The following ERC1 variants were observed in gnomAD, a reference collection of about 807,000 sequenced individuals.
The protein encoded by ERC1 is RAB6 interacting protein 2.
A neutral mutation model predicts 132.0 loss-of-function variants in ERC1; 56 were observed. The observed-to-expected ratio is 0.42, with a 90% CI of 0.34 to 0.53. The LOEUF (loss-of-function observed/expected upper bound fraction) is 0.53. ERC1 is among the 20% of genes least tolerant of loss of function. ERC1 has a pLI of 0.03. For missense variants in ERC1, 1,202 were observed against 1,349.9 expected, an observed-to-expected ratio of 0.89 and a Z score of 1.72; for synonymous variants, 478 against 476.1, an observed-to-expected ratio of 1.00 and a Z score of -0.05.
At chr12:1,180,421 A>C (rs780126774) in intron 8 of ERC1, 119 bp from the exon 9 acceptor site, 1 of 811,128 alleles carries the variant, frequency 1.2e-6, no homozygotes, top group Non-Finnish European at 1.9e-6. Context: ...TGATTTCTAC[A>C]GAATGCACAC....
intron 1 of ERC1, among the ~76,000 whole-genome samples, chr12:1,006,281 A>G (rs1267242355): frequency 6.6e-6 from 1 of 152,016 alleles, no homozygotes; most frequent in Non-Finnish European, 1.5e-5. Context: ...TTTTTGAGAC[A>G]GATTTTTCTC....
chr12:1,075,283 G>A (rs1487287405), intron 2 of ERC1, among the ~76,000 whole-genome samples: 2 of 152,120 alleles, frequency 1.3e-5, no homozygotes, highest in East Asian at 3.8e-4. Context: ...ATAGCCTACT[G>A]TTGACCAGGG....
In ERC1 at chr12:1,142,245, A is replaced by G. The variant is rs185129222; in HGVS notation, c.1737+458A>G. Reference sequence around the variant, plus strand: ...AAAAAATGTGTGTGTGTCTATTTCAATACAAATCTTACTGTTCCTTAGTGC... The same window carrying G: ...AAAAAATGTGTGTGTGTCTATTTCAGTACAAATCTTACTGTTCCTTAGTGC... On this transcript the variant is annotated intron_variant, in intron 8 of 18. Transcript: ENST00000360905. Among the ~76,000 whole-genome samples the G allele has an allele frequency of 6.0e-4, 91 of 152,298 alleles. No homozygotes were observed. The South Asian group carries it at 8.5e-3, about 14-fold the overall frequency.
At chr12:1,303,879 G>A (rs991894460) in intron 15 of ERC1, among the ~76,000 whole-genome samples, 1 of 150,342 alleles carries the variant, frequency 6.7e-6, no homozygotes, top group Non-Finnish European at 1.5e-5. Flanking sequence ...GCTGGAACCC[G>A]GGGGCAGAGG....
At chr12:1,421,506 G>A (rs965523541) in intron 17 of ERC1, among the ~76,000 whole-genome samples, 2 of 152,062 alleles carry the variant, frequency 1.3e-5, no homozygotes, top group African/African-American at 4.8e-5. Context: ...CAGTTTCTAG[G>A]TGGGGGTCAC....
intron 15 of ERC1, among the ~76,000 whole-genome samples, chr12:1,329,648 A>G (rs190160284): frequency 6.6e-6 from 1 of 152,296 alleles, no homozygotes; most frequent in East Asian, 1.9e-4. Flanking sequence ...TCCTTTTGCT[A>G]TCTAATGTTG....
intron 14 of ERC1, among the ~76,000 whole-genome samples, chr12:1,280,558 A>G (rs2078610382): frequency 6.6e-6 from 1 of 152,202 alleles, no homozygotes; most frequent in African/African-American, 2.4e-5. Flanking sequence ...CTCTCCAAGT[A>G]TCTGTAATCT....
intron 17 of ERC1, among the ~76,000 whole-genome samples, chr12:1,436,283 C>T (rs555966258): frequency 6.6e-6 from 1 of 152,318 alleles, no homozygotes; most frequent in East Asian, 1.9e-4. Context: ...TACAGATAAA[C>T]TATCAAATCT....
At chr12:1,003,374 T>C (rs1172111593) in intron 1 of ERC1, among the ~76,000 whole-genome samples, 1 of 152,222 alleles carries the variant, frequency 6.6e-6, no homozygotes, top group East Asian at 1.9e-4. Context: ...ATCAATGTTA[T>C]TTTCCATTAC....
chr12:1,286,603 A>C (rs1335907947), intron 14 of ERC1, among the ~76,000 whole-genome samples: 1 of 152,164 alleles, frequency 6.6e-6, no homozygotes, highest in Non-Finnish European at 1.5e-5. Flanking sequence ...GCAGCATGGC[A>C]AGTGAAAGAA....
At chr12:1,255,621 CTTTTTTTTTTTT>C (rs757949030) in intron 13 of ERC1, among the ~76,000 whole-genome samples, 1,085 of 61,532 alleles carry the variant, frequency 0.018, 21 homozygotes, top group African/African-American at 0.061. Context: ...GCTTCCTGGC[CTTTTTTTTTTTT>C]TTTTTTTTTT....
At chr12:1,386,305 G>T (rs1449929014) in intron 16 of ERC1, among the ~76,000 whole-genome samples, 2 of 150,674 alleles carry the variant, frequency 1.3e-5, no homozygotes, top group African/African-American at 2.4e-5. Flanking sequence ...CCAAAGTGTT[G>T]GGATTACAGG....
In ERC1 at chr12:1,347,954, A is replaced by G. The variant is rs539324138; in HGVS notation, c.2781-23879A>G. Among the ~76,000 whole-genome samples, 6 of 152,226 alleles carry G rather than the reference A, an allele frequency of 3.9e-5. No individual in the cohort carries two copies. In the East Asian group the frequency reaches 5.8e-4, roughly 15 times the overall value. On this transcript the variant is annotated intron_variant, in intron 15 of 18. Coordinates refer to ENST00000360905, the MANE Select transcript of ERC1 (RefSeq NM_178040.4). Reference sequence around the variant, plus strand: ...GCAGAGATGGCGCCACTGCACTCCAATCTGGTCAACAGAGTTAGACTCGGT... The same window carrying G: ...GCAGAGATGGCGCCACTGCACTCCAGTCTGGTCAACAGAGTTAGACTCGGT...
chr12:1,093,297 G>T (rs1016913479), intron 3 of ERC1, among the ~76,000 whole-genome samples: 2 of 148,658 alleles, frequency 1.3e-5, no homozygotes, highest in Admixed American at 1.3e-4. Context: ...CTTATTCTTA[G>T]CTTTTGTATT....
chr12:1,104,288 G>C (rs922041617), intron 3 of ERC1, among the ~76,000 whole-genome samples: 5 of 152,262 alleles, frequency 3.3e-5, no homozygotes, highest in African/African-American at 1.2e-4. Flanking sequence ...GGTGGATGCC[G>C]TGGAAAGGAT....
At chr12:1,283,260 G>A (rs1162020402) in intron 14 of ERC1, among the ~76,000 whole-genome samples, 2 of 152,316 alleles carry the variant, frequency 1.3e-5, no homozygotes, top group Non-Finnish European at 1.5e-5. Flanking sequence ...GCTCTGGCCT[G>A]AGCTTTTCTG....
intron 8 of ERC1, among the ~76,000 whole-genome samples, chr12:1,146,183 T>G (rs2154251536): frequency 6.6e-6 from 1 of 152,300 alleles, no homozygotes; most frequent in Admixed American, 6.5e-5. Flanking sequence ...TTTCACAATA[T>G]TGATTCTACC....
intron 15 of ERC1, among the ~76,000 whole-genome samples, chr12:1,334,240 G>A (rs1432868467): frequency 2.0e-5 from 3 of 152,134 alleles, no homozygotes; most frequent in Non-Finnish European, 4.4e-5. Flanking sequence ...AGTTTACATA[G>A]ATCCTGTTCA....
At chr12:1,044,735 T>C (rs1440620202) in intron 2 of ERC1, among the ~76,000 whole-genome samples, 1 of 152,192 alleles carries the variant, frequency 6.6e-6, no homozygotes, top group East Asian at 1.9e-4. Context: ...TATAAAATTT[T>C]TTTAGAAAGT....
Sources: gnomAD v4.1 joint callset for allele counts (sites outside exome capture counted in the v4.1 genomes callset) on GRCh38, gnomAD v4.1.1 for gene constraint, MANE v1.5 for transcripts, NCBI Gene and HGNC (gene_info 2026-07-23, HGNC 2026-07-21) for gene names.